The following DKK2 variants were observed in gnomAD, a reference collection of about 807,000 sequenced individuals.
DKK2 encodes dickkopf-related protein 2.
DKK2 carries 11 observed loss-of-function variants against 28.1 expected under a neutral mutation model. The ratio of observed to expected loss-of-function variants is 0.39; its 90% CI spans 0.25 to 0.65. DKK2 has a LOEUF of 0.65. DKK2 is among the 30% of genes least tolerant of loss of function. The probability of loss-of-function intolerance (pLI) is 0.47; values close to 1 mark genes in which losing one functional copy is unlikely to be tolerated. For synonymous variants in DKK2, 135 were observed against 126.5 expected (o/e 1.07, Z -0.45); for missense variants, 326 against 335.5 (o/e 0.97, Z 0.22).
chr4:106,959,764 T>G lies in DKK2; in HGVS notation c.223-33815A>C, dbSNP rs988940680. 7.9e-5 allele frequency among the ~76,000 whole-genome samples: 12 copies of G among 152,236 alleles called. No homozygotes were observed. In the East Asian group the frequency reaches 2.3e-3, roughly 29 times the overall value. On this transcript the variant is annotated intron_variant, in intron 1 of 3. Transcript: ENST00000285311. ...TTCATTCATGCATTCATTCACCAAA[T>G]ACTTTTTGCCCCTTGTGAAACCTAG...
intron 1 of DKK2, among the ~76,000 whole-genome samples, chr4:106,936,530 G>C (rs1486181894): frequency 6.6e-6 from 1 of 152,150 alleles, no homozygotes; most frequent in Non-Finnish European, 1.5e-5. Context: ...GAACCAAGTT[G>C]GAAAACACTC....
intron 1 of DKK2, among the ~76,000 whole-genome samples, chr4:106,952,133 C>A (rs943408661): frequency 1.3e-5 from 2 of 152,132 alleles, no homozygotes; most frequent in African/African-American, 4.8e-5. Flanking sequence ...GAAATCATTA[C>A]CTCAAGGGGC....
intron 1 of DKK2, among the ~76,000 whole-genome samples, chr4:106,935,741 G>A (rs553341459): frequency 1.3e-5 from 2 of 152,284 alleles, no homozygotes; most frequent in East Asian, 3.9e-4. Context: ...AGAGAGCAGT[G>A]GTTCTCCCAG....
chr4:106,941,410 A>G (rs537400576), intron 1 of DKK2, among the ~76,000 whole-genome samples: 72 of 152,278 alleles, frequency 4.7e-4, no homozygotes, highest in African/African-American at 1.7e-3. Context: ...GTTATCTCAT[A>G]TAATCAGTTC....
intron 1 of DKK2, among the ~76,000 whole-genome samples, chr4:106,984,945 C>T (rs1214127792): frequency 6.6e-6 from 1 of 152,222 alleles, no homozygotes; most frequent in Non-Finnish European, 1.5e-5. Flanking sequence ...CACGGTGGCT[C>T]ACGCCTGTAA....
At chr4:107,018,181 A>G (rs1056209438) in intron 1 of DKK2, among the ~76,000 whole-genome samples, 1 of 152,076 alleles carries the variant, frequency 6.6e-6, no homozygotes, top group African/African-American at 2.4e-5. Flanking sequence ...TTAAGTCAGT[A>G]TAACTGTTGT....
chr4:107,035,476 T>C lies in DKK2; in HGVS notation c.116A>G (p.Lys39Arg), dbSNP rs776816216. The part of the protein sequence containing the change: ...GSSRAKLNSI[K>R]SSLGGETPGQ... ...AGGCGTCTCCCCGCCCAGAGAGGACTTGATGGAGTTGAGTTTGGCCCGCGA... is the reference window on the plus strand; with the variant it reads ...AGGCGTCTCCCCGCCCAGAGAGGACCTGATGGAGTTGAGTTTGGCCCGCGA... The change falls in exon 1 of 4, where the codon AAG (lysine) becomes AGG (arginine). Residue 39 changes from lysine (K) to arginine (R), a missense_variant. Transcript: ENST00000285311. 1 of 1,614,198 alleles carries C rather than the reference T, an allele frequency of 6.2e-7. No individual in the cohort carries two copies. Among genetic ancestry groups the C allele is most frequent in the Non-Finnish European group, 8.5e-7 (1 of 1,180,040 alleles).
At chr4:106,976,213 T>C (rs1722942378) in intron 1 of DKK2, among the ~76,000 whole-genome samples, 1 of 152,184 alleles carries the variant, frequency 6.6e-6, no homozygotes, top group Non-Finnish European at 1.5e-5. Context: ...GAATGTATAT[T>C]CTGTTGATTT....
At chr4:107,025,058 A>G (rs1723753535) in intron 1 of DKK2, among the ~76,000 whole-genome samples, 1 of 152,170 alleles carries the variant, frequency 6.6e-6, no homozygotes, top group Non-Finnish European at 1.5e-5. Context: ...GAGGTTAACC[A>G]TATCCCCAGG....
At chr4:107,007,004 T>G (rs1189903221) in intron 1 of DKK2, among the ~76,000 whole-genome samples, 1 of 152,164 alleles carries the variant, frequency 6.6e-6, no homozygotes, top group Non-Finnish European at 1.5e-5. Context: ...GTCCTTTTTT[T>G]TTTTAGATGT....
chr4:106,995,393 T>C (rs1723256849), intron 1 of DKK2, among the ~76,000 whole-genome samples: 1 of 152,186 alleles, frequency 6.6e-6, no homozygotes, highest in Non-Finnish European at 1.5e-5. Flanking sequence ...TTTGTTTTCA[T>C]TTTACATGTG....
At chr4:106,965,980 T>C (rs1020369018) in intron 1 of DKK2, among the ~76,000 whole-genome samples, 2 of 151,272 alleles carry the variant, frequency 1.3e-5, no homozygotes, top group African/African-American at 4.9e-5. Context: ...CACATTTTCT[T>C]AATCCAGTCT....
At chr4:106,927,297 T>C (rs1401363579) in intron 1 of DKK2, among the ~76,000 whole-genome samples, 1 of 152,126 alleles carries the variant, frequency 6.6e-6, no homozygotes, top group Non-Finnish European at 1.5e-5. Flanking sequence ...CTCCTGCCCA[T>C]CTCCTGCATA....
intron 1 of DKK2, among the ~76,000 whole-genome samples, chr4:107,030,569 A>G (rs1723861727): frequency 6.6e-6 from 1 of 152,022 alleles, no homozygotes; most frequent in South Asian, 2.1e-4. Flanking sequence ...TCCTTGTTAT[A>G]AGTGAGCACA....
chr4:106,975,357 G>A lies in DKK2; in HGVS notation c.223-49408C>T, dbSNP rs143305434. 3.5e-3 allele frequency among the ~76,000 whole-genome samples: 526 copies of A among 152,228 alleles called. 3 individuals are homozygous for A. The highest frequency in any genetic ancestry group is 0.012 in the African/African-American group (512 of 41,540). ...TGTACCTCTGGTAGAATTCGGCTGT[G>A]AATCCATCTGATCCTGGGATTTTTT... is the stretch of plus-strand genomic sequence containing the variant. On this transcript the variant is annotated intron_variant, in intron 1 of 3. Transcript: ENST00000285311.
At chr4:106,968,605 A>ATTC (rs1398747290) in intron 1 of DKK2, among the ~76,000 whole-genome samples, 1 of 130,300 alleles carries the variant, frequency 7.7e-6, no homozygotes, top group Admixed American at 7.4e-5. Context: ...TGCAAACATT[A>ATTC]TATTTACTTT....
intron 1 of DKK2, among the ~76,000 whole-genome samples, chr4:106,970,319 C>A (rs570872629): frequency 6.6e-6 from 1 of 151,998 alleles, no homozygotes; most frequent in Non-Finnish European, 1.5e-5. Flanking sequence ...ATCAAACCTG[C>A]AATAGTGGAT....
chr4:107,006,388 C>T (rs984917124), intron 1 of DKK2, among the ~76,000 whole-genome samples: 4 of 152,094 alleles, frequency 2.6e-5, no homozygotes, highest in African/African-American at 9.7e-5. Flanking sequence ...CCTAACTAAA[C>T]CCCAGGGAGG....
intron 1 of DKK2, among the ~76,000 whole-genome samples, chr4:106,926,517 G>A (rs1724428247): frequency 6.6e-6 from 1 of 152,124 alleles, no homozygotes; most frequent in African/African-American, 2.4e-5. Flanking sequence ...GAATTATTTG[G>A]CACAAAGACA....
Sources: gnomAD v4.1 joint callset for allele counts (sites outside exome capture counted in the v4.1 genomes callset) on GRCh38, gnomAD v4.1.1 for gene constraint, MANE v1.5 for transcripts, NCBI Gene and HGNC (gene_info 2026-07-23, HGNC 2026-07-21) for gene names.